Variants in MBOAT1 observed in about 807,000 individuals in gnomAD.
MBOAT1 encodes the protein membrane-bound glycerophospholipid O-acyltransferase 1.
Under a neutral mutation model 64.4 loss-of-function variants are expected in MBOAT1, and 67 were observed. The ratio of observed to expected loss-of-function variants is 1.04; its 90% CI spans 0.85 to 1.27. The LOEUF is 1.27. MBOAT1 is among the 50% of genes most tolerant of loss of function. The pLI is 0.00. For missense variants in MBOAT1, 563 were observed against 604.6 expected (o/e 0.93, Z 0.72); for synonymous variants, 229 against 218.9 (o/e 1.05, Z -0.41).
At chr6:20,165,022 G>A (rs1581436835) in intron 1 of MBOAT1, among the ~76,000 whole-genome samples, 1 of 152,194 alleles carries the variant, frequency 6.6e-6, no homozygotes, top group Non-Finnish European at 1.5e-5. Flanking sequence ...ATATTGATAG[G>A]TTGGGCATAT....
chr6:20,208,833 G>C (rs868380679), intron 1 of MBOAT1, among the ~76,000 whole-genome samples: 1 of 152,186 alleles, frequency 6.6e-6, no homozygotes. Context: ...CACCAAATTG[G>C]AAGTTCCTTA....
intron 1 of MBOAT1, among the ~76,000 whole-genome samples, chr6:20,188,473 C>T (rs1308190421): frequency 1.3e-5 from 2 of 152,086 alleles, no homozygotes; most frequent in Non-Finnish European, 2.9e-5. Flanking sequence ...CTTTGTCTCA[C>T]GACCAAGAGA....
intron 1 of MBOAT1, among the ~76,000 whole-genome samples, chr6:20,195,518 A>T (rs1762928975): frequency 2.6e-5 from 4 of 152,220 alleles, no homozygotes; most frequent in African/African-American, 9.6e-5. Flanking sequence ...AAATGGTCTT[A>T]GAAACCAAGA....
At chr6:20,185,222 C>T (rs1274572565) in intron 1 of MBOAT1, among the ~76,000 whole-genome samples, 1 of 152,070 alleles carries the variant, frequency 6.6e-6, no homozygotes, top group African/African-American at 2.4e-5. Context: ...TGCACTCCAA[C>T]CTGGGTGACA....
chr6:20,120,443 C>T (rs976237628), intron 8 of MBOAT1, among the ~76,000 whole-genome samples: 4 of 151,894 alleles, frequency 2.6e-5, no homozygotes, highest in South Asian at 2.1e-4. Flanking sequence ...ACGAAACGTG[C>T]GGATCACCTG....
intron 4 of MBOAT1, among the ~76,000 whole-genome samples, chr6:20,138,267 T>A (rs923955460): frequency 6.6e-6 from 1 of 152,228 alleles, no homozygotes; most frequent in African/African-American, 2.4e-5. Context: ...ATCACAGAAC[T>A]GAATCACATG....
intron 1 of MBOAT1, among the ~76,000 whole-genome samples, chr6:20,201,755 A>G (rs6928994): frequency 0.19 from 28,965 of 151,482 alleles, 3,549 homozygotes; most frequent in African/African-American, 0.35. Flanking sequence ...TAATTTTTGT[A>G]TTTTTAGTAG....
chr6:20,185,860 A>G (rs565555630), intron 1 of MBOAT1, among the ~76,000 whole-genome samples: 1 of 152,216 alleles, frequency 6.6e-6, no homozygotes, highest in African/African-American at 2.4e-5. Flanking sequence ...TCAAGGCTTC[A>G]TAGGTAGTTA....
chr6:20,207,656 G>A (rs1763302530), intron 1 of MBOAT1, among the ~76,000 whole-genome samples: 1 of 152,200 alleles, frequency 6.6e-6, no homozygotes, highest in Non-Finnish European at 1.5e-5. Flanking sequence ...AAGTTGTATG[G>A]GAACTCAAGC....
At chr6:20,208,784 T>C (rs1763336336) in intron 1 of MBOAT1, among the ~76,000 whole-genome samples, 2 of 152,108 alleles carry the variant, frequency 1.3e-5, no homozygotes. Context: ...TCAGGTGAAA[T>C]ACCCCAAAAA....
At chr6:20,180,017 C>T (rs372263043) in intron 1 of MBOAT1, among the ~76,000 whole-genome samples, 24 of 152,242 alleles carry the variant, frequency 1.6e-4, no homozygotes, top group African/African-American at 4.6e-4. Flanking sequence ...CCAGAACATA[C>T]ACAGGTGTCT....
At chr6:20,198,559 T>C (rs1763028491) in intron 1 of MBOAT1, among the ~76,000 whole-genome samples, 1 of 152,234 alleles carries the variant, frequency 6.6e-6, no homozygotes. Context: ...GTCAATTCAT[T>C]GACATTTAAG....
chr6:20,199,951 G>A (rs1316881718), intron 1 of MBOAT1, among the ~76,000 whole-genome samples: 6 of 150,396 alleles, frequency 4.0e-5, no homozygotes, highest in African/African-American at 1.5e-4. Flanking sequence ...CTGGGCAACA[G>A]GGTAAGACTC....
At chr6:20,155,284 C>A (rs1486021837) in intron 1 of MBOAT1, among the ~76,000 whole-genome samples, 3 of 152,164 alleles carry the variant, frequency 2.0e-5, no homozygotes, top group African/African-American at 7.2e-5. Context: ...GTTCTAACCA[C>A]CCCCAACACC....
intron 12 of MBOAT1, 109 bp from the exon 13 acceptor site, chr6:20,102,521 G>A (rs535312530): frequency 3.4e-6 from 3 of 870,474 alleles, no homozygotes; most frequent in Middle Eastern, 3.4e-4. Flanking sequence ...GCTTTTGGCA[G>A]TAGGAGGCCT....
intron 1 of MBOAT1, among the ~76,000 whole-genome samples, chr6:20,156,113 T>A (rs1761671955): frequency 6.6e-6 from 1 of 151,316 alleles, no homozygotes; most frequent in African/African-American, 2.4e-5. Context: ...CTAAAAAAAA[T>A]ACAAAAAATT....
chr6:20,115,929 C>T (rs977036520), intron 9 of MBOAT1, among the ~76,000 whole-genome samples: 1 of 151,730 alleles, frequency 6.6e-6, no homozygotes, highest in South Asian at 2.1e-4. Flanking sequence ...CCGGCAGTGG[C>T]GCAAGCAAAT....
chr6:20,157,509 T>C (rs941732654), intron 1 of MBOAT1, among the ~76,000 whole-genome samples: 2 of 152,188 alleles, frequency 1.3e-5, no homozygotes, highest in Admixed American at 6.5e-5. Context: ...ATTTTCATCA[T>C]TTGGAAAGGT....
chr6:20,104,868 T>C (rs1214510435), intron 12 of MBOAT1, among the ~76,000 whole-genome samples: 1 of 152,256 alleles, frequency 6.6e-6, no homozygotes, highest in Non-Finnish European at 1.5e-5. Flanking sequence ...ATGCATTTAC[T>C]GCTTAGGATA....
Sources: allele counts gnomAD v4.1 joint callset (sites outside exome capture counted in the v4.1 genomes callset), GRCh38; gene constraint gnomAD v4.1.1; transcripts MANE v1.5; gene names NCBI Gene and HGNC (gene_info 2026-07-23, HGNC 2026-07-21).